The following CDH13 variants were observed in gnomAD, a reference collection of about 807,000 sequenced individuals.
The protein encoded by CDH13 is cadherin 13, also known as cadherin-13.
In CDH13, 24 loss-of-function variants were observed where a neutral mutation model predicts 63.8. The ratio of observed to expected loss-of-function variants is 0.38; its 90% confidence interval spans 0.27 to 0.53. The LOEUF (loss-of-function observed/expected upper bound fraction) is 0.53. CDH13 is among the 20% of genes least tolerant of loss of function. CDH13 has a pLI of 0.85. For synonymous variants in CDH13, 503 were observed against 355.3 expected, an observed-to-expected ratio of 1.42 and a Z score of -4.67; for missense variants, 1,049 against 903.1, an observed-to-expected ratio of 1.16 and a Z score of -2.07.
chr16:82,809,789 A>T (rs1255286118), intron 1 of CDH13, among the ~76,000 whole-genome samples: 1 of 152,196 alleles, frequency 6.6e-6, no homozygotes, highest in East Asian at 1.9e-4. Flanking sequence ...CGTTTCGCTA[A>T]CAAGTCCCCT....
intron 7 of CDH13, among the ~76,000 whole-genome samples, chr16:83,517,156 A>G (rs1051388077): frequency 2.6e-5 from 4 of 152,224 alleles, no homozygotes; most frequent in African/African-American, 9.7e-5. Flanking sequence ...GAAGCTCAAC[A>G]GGGTGACTGT....
chr16:82,823,872 C>G (rs1042833020), intron 1 of CDH13: 14 of 152,060 alleles, frequency 9.2e-5, no homozygotes, highest in East Asian at 7.7e-4. Context: ...GGTGTTTTAT[C>G]TTAGAAATTC....
At chr16:83,234,363 G>T (rs558862478) in intron 5 of CDH13, among the ~76,000 whole-genome samples, 1 of 152,064 alleles carries the variant, frequency 6.6e-6, no homozygotes, top group African/African-American at 2.4e-5. Flanking sequence ...CTTTCCATTC[G>T]TTGCTTAGCA....
chr16:83,484,754 GTGAATAAAGTAT>G (rs1347205643), intron 6 of CDH13, among the ~76,000 whole-genome samples: 1 of 152,124 alleles, frequency 6.6e-6, no homozygotes, highest in Non-Finnish European at 1.5e-5. Context: ...TGTAAAACAT[GTGAATAAAGTAT>G]TGTGGCATGT....
At chr16:82,802,343 C>G (rs1373285096) in intron 1 of CDH13, among the ~76,000 whole-genome samples, 1 of 152,088 alleles carries the variant, frequency 6.6e-6, no homozygotes, top group Non-Finnish European at 1.5e-5. Context: ...AGGAGTCGAC[C>G]CTGATGAAGC....
intron 7 of CDH13, among the ~76,000 whole-genome samples, chr16:83,572,982 G>C (rs1029160595): frequency 3.3e-5 from 5 of 152,214 alleles, no homozygotes; most frequent in South Asian, 2.1e-4. Context: ...AGCACAGGCT[G>C]AGTGATGAAG....
chr16:83,448,611 A>G (rs1315499577), intron 6 of CDH13, among the ~76,000 whole-genome samples: 4 of 152,194 alleles, frequency 2.6e-5, no homozygotes, highest in Non-Finnish European at 5.9e-5. Flanking sequence ...AGCAGATACT[A>G]ACTAGTATCA....
chr16:83,634,335 T>G (rs1176368403), intron 8 of CDH13, among the ~76,000 whole-genome samples: 1 of 152,130 alleles, frequency 6.6e-6, no homozygotes, highest in Non-Finnish European at 1.5e-5. Context: ...GTTCTCCACC[T>G]GTAGTTTTGT....
At chr16:83,103,528 G>A (rs1411354924) in intron 3 of CDH13, among the ~76,000 whole-genome samples, 1 of 152,164 alleles carries the variant, frequency 6.6e-6, no homozygotes, top group Non-Finnish European at 1.5e-5. Context: ...TTACAGGCAT[G>A]AGCCACCGTG....
chr16:82,828,151 A>T (rs146904270), intron 1 of CDH13, among the ~76,000 whole-genome samples: 1 of 152,130 alleles, frequency 6.6e-6, no homozygotes, highest in Admixed American at 6.5e-5. Context: ...GGTTTTCAAT[A>T]CCATCACAGA....
At chr16:83,086,452 A>G (rs559182478) in intron 3 of CDH13, among the ~76,000 whole-genome samples, 3 of 152,312 alleles carry the variant, frequency 2.0e-5, no homozygotes, top group South Asian at 4.1e-4. Flanking sequence ...CGATGGTTGT[A>G]AAGTGCTTAT....
At chr16:83,285,021 CA>C (rs2089273640) in intron 5 of CDH13, among the ~76,000 whole-genome samples, 1 of 152,166 alleles carries the variant, frequency 6.6e-6, no homozygotes. Context: ...CTGGTTCAGA[CA>C]CCTTTTCTGC....
intron 3 of CDH13, among the ~76,000 whole-genome samples, chr16:83,045,328 C>T (rs901071134): frequency 2.0e-5 from 3 of 152,100 alleles, no homozygotes; most frequent in Non-Finnish European, 4.4e-5. Flanking sequence ...ATGTAAATGT[C>T]TGCCAAGTCT....
chr16:83,433,481 G>T (rs1003840751), intron 6 of CDH13, among the ~76,000 whole-genome samples: 2 of 152,190 alleles, frequency 1.3e-5, no homozygotes, highest in Non-Finnish European at 2.9e-5. Context: ...ATGACCCCAT[G>T]TAAAGAGCAT....
At chr16:82,975,994 C>T (rs150461486) in intron 2 of CDH13, among the ~76,000 whole-genome samples, 11 of 152,286 alleles carry the variant, frequency 7.2e-5, no homozygotes, top group East Asian at 3.9e-4. Flanking sequence ...ATTGCATAAA[C>T]GACGGAAAAC....
intron 7 of CDH13, among the ~76,000 whole-genome samples, chr16:83,545,044 C>G (rs146587574): frequency 7.2e-4 from 110 of 152,294 alleles, no homozygotes; most frequent in Admixed American, 2.2e-3. Flanking sequence ...AATGATGAAG[C>G]TTTTATTCTG....
At chr16:82,813,502 A>G (rs1165000311) in intron 1 of CDH13, among the ~76,000 whole-genome samples, 1 of 152,138 alleles carries the variant, frequency 6.6e-6, no homozygotes, top group Non-Finnish European at 1.5e-5. Context: ...GTCTCCTTTT[A>G]AGTGCAGAGA....
At chr16:83,571,883 C>T (rs751262578) in intron 7 of CDH13, among the ~76,000 whole-genome samples, 22 of 152,034 alleles carry the variant, frequency 1.4e-4, no homozygotes, top group Non-Finnish European at 2.4e-4. Context: ...ACGTGCACTC[C>T]GGCCACAGAA....
intron 7 of CDH13, among the ~76,000 whole-genome samples, chr16:83,553,411 C>G (rs1567758720): frequency 6.6e-6 from 1 of 152,200 alleles, no homozygotes; most frequent in African/African-American, 2.4e-5. Context: ...GTGGGTGTTT[C>G]TTGCTAGCTC....
Sources: gnomAD v4.1 joint callset for allele counts (sites outside exome capture counted in the v4.1 genomes callset) on GRCh38, gnomAD v4.1.1 for gene constraint, MANE v1.5 for transcripts, NCBI Gene and HGNC (gene_info 2026-07-23, HGNC 2026-07-21) for gene names.